GRIK2: variants seen among roughly 807,000 people sequenced by gnomAD.
GRIK2 encodes the protein glutamate receptor ionotropic, kainate 2.
A neutral mutation model predicts 100.3 loss-of-function variants in GRIK2; 32 were observed. The ratio of observed to expected loss-of-function variants is 0.32; its 90% CI spans 0.24 to 0.43. GRIK2 has a LOEUF of 0.43. Ranked by LOEUF, GRIK2 falls within the 20% of genes least tolerant of loss-of-function variation. The pLI is 1.00. For missense variants in GRIK2, 843 were observed against 1,114.9 expected (o/e 0.76, Z 3.47); for synonymous variants, 417 against 389.4 (o/e 1.07, Z -0.83).
At chr6:101,399,706 C>T (rs560903672) in intron 2 of GRIK2, among the ~76,000 whole-genome samples, 1 of 152,312 alleles carries the variant, frequency 6.6e-6, no homozygotes, top group African/African-American at 2.4e-5. Context: ...CTGTCTCCCC[C>T]GGCGCCCTGC....
At chr6:102,065,321 A>T (rs574006726) in intron 16 of GRIK2, among the ~76,000 whole-genome samples, 1 of 151,362 alleles carries the variant, frequency 6.6e-6, no homozygotes, top group Non-Finnish European at 1.5e-5. Context: ...TTCAATTTAC[A>T]TTATCTATTA....
At chr6:101,399,530 A>G in intron 2 of GRIK2, 138 bp downstream of exon 2, 1 of 630,894 alleles carries the variant, frequency 1.6e-6, no homozygotes, top group South Asian at 1.9e-5. Context: ...GGGGCTTTTA[A>G]AGAACTCCTT....
At chr6:101,424,723 C>G (rs533564018) in intron 2 of GRIK2, among the ~76,000 whole-genome samples, 68 of 151,850 alleles carry the variant, frequency 4.5e-4, no homozygotes, top group East Asian at 2.9e-3. Flanking sequence ...CCCTCTCCCC[C>G]CACCCACAAC....
At chr6:101,883,745 G>C (rs1786426054) in intron 11 of GRIK2, among the ~76,000 whole-genome samples, 2 of 152,106 alleles carry the variant, frequency 1.3e-5, no homozygotes, top group Non-Finnish European at 2.9e-5. Flanking sequence ...CAGGGAGAGG[G>C]AATAGCAAGC....
chr6:101,396,174 C>G (rs987267756), intron 1 of GRIK2, among the ~76,000 whole-genome samples: 3 of 151,696 alleles, frequency 2.0e-5, no homozygotes, highest in African/African-American at 7.3e-5. Context: ...TTCAAAATTG[C>G]CACATGTTAA....
intron 10 of GRIK2, among the ~76,000 whole-genome samples, chr6:101,833,728 C>T (rs1029808707): frequency 1.3e-5 from 2 of 151,882 alleles, no homozygotes; most frequent in Non-Finnish European, 2.9e-5. Context: ...TACTTATATT[C>T]CAGCAATAAG....
chr6:101,527,258 C>CT (rs1775201177), intron 2 of GRIK2, among the ~76,000 whole-genome samples: 1 of 152,118 alleles, frequency 6.6e-6, no homozygotes, highest in Non-Finnish European at 1.5e-5. Flanking sequence ...TGTTATTATT[C>CT]TTTTTTCCTA....
chr6:101,906,366 C>CTGTGTGTGTGTGTGTGTG (rs141112872), intron 12 of GRIK2, among the ~76,000 whole-genome samples: 44,910 of 145,590 alleles, frequency 0.31, 7,932 homozygotes, highest in East Asian at 0.52. Flanking sequence ...AAAACAAGAT[C>CTGTGTGTGTGTGTGTGTG]TGTGTGTGTG....
At chr6:101,707,865 T>A (rs1307387840) in intron 7 of GRIK2, among the ~76,000 whole-genome samples, 2 of 151,616 alleles carry the variant, frequency 1.3e-5, no homozygotes, top group Non-Finnish European at 2.9e-5. Context: ...CATTGATCAG[T>A]AATATAGATG....
intron 2 of GRIK2, among the ~76,000 whole-genome samples, chr6:101,541,455 A>C (rs1775994441): frequency 2.0e-5 from 3 of 151,392 alleles, no homozygotes; most frequent in South Asian, 2.1e-4. Context: ...ACCCAACCAA[A>C]CAAACAAACT....
intron 2 of GRIK2, among the ~76,000 whole-genome samples, chr6:101,526,429 TAAAC>T (rs953935748): frequency 6.6e-6 from 1 of 152,126 alleles, no homozygotes; most frequent in Non-Finnish European, 1.5e-5. Context: ...CTAGAAAAAA[TAAAC>T]ATAAATTAGT....
intron 12 of GRIK2, among the ~76,000 whole-genome samples, chr6:101,893,448 G>A (rs982125272): frequency 4.6e-5 from 7 of 151,532 alleles, no homozygotes; most frequent in South Asian, 2.1e-4. Flanking sequence ...GAATAAAAAC[G>A]CTGTATCTCA....
At position 101,707,232 on chromosome 6, in the gene GRIK2, T is replaced by A. The variant is rs1025893137; in HGVS notation, c.951+20879T>A. ...ATTCTAATTTGACTCATAATGCTGT[T>A]AAGAAACAAATTCATAAATGTAAGA... On this transcript the variant is annotated intron_variant, in intron 7 of 16. Coordinates refer to ENST00000369134, the MANE Select transcript of GRIK2 (RefSeq NM_021956.5). Among the ~76,000 whole-genome samples the A allele has an allele frequency of 2.6e-5, 4 of 151,534 alleles. No individual in the cohort carries two copies. In the Admixed American group the frequency reaches 2.6e-4, roughly 10 times the overall value.
intron 14 of GRIK2, among the ~76,000 whole-genome samples, chr6:101,966,378 T>G (rs1792675193): frequency 6.6e-6 from 1 of 152,170 alleles, no homozygotes; most frequent in South Asian, 2.1e-4. Context: ...AAGGAGAAAT[T>G]TAAAAAATAT....
chr6:101,420,870 A>G (rs1353950191), intron 2 of GRIK2, among the ~76,000 whole-genome samples: 1 of 152,178 alleles, frequency 6.6e-6, no homozygotes, highest in Non-Finnish European at 1.5e-5. Flanking sequence ...AAATGTTTAG[A>G]GGCACAATTA....
chr6:102,000,730 G>T (rs1018267410), intron 14 of GRIK2, among the ~76,000 whole-genome samples: 3 of 151,986 alleles, frequency 2.0e-5, no homozygotes, highest in Non-Finnish European at 4.4e-5. Flanking sequence ...ATCTACAATG[G>T]TGTCACTTCT....
At chr6:101,881,808 G>A (rs910564652) in intron 11 of GRIK2, among the ~76,000 whole-genome samples, 1 of 151,930 alleles carries the variant, frequency 6.6e-6, no homozygotes, top group South Asian at 2.1e-4. Flanking sequence ...AGCTATGATT[G>A]AGCCACTGCA....
chr6:101,500,986 T>G (rs1215118897), intron 2 of GRIK2, among the ~76,000 whole-genome samples: 3 of 152,134 alleles, frequency 2.0e-5, no homozygotes, highest in Non-Finnish European at 4.4e-5. Flanking sequence ...CTGATAACTT[T>G]CTTCAAATTG....
chr6:101,415,046 T>A (rs574670241), intron 2 of GRIK2, among the ~76,000 whole-genome samples: 4 of 152,018 alleles, frequency 2.6e-5, no homozygotes, highest in Non-Finnish European at 5.9e-5. Flanking sequence ...GCATTGTAGC[T>A]TATTTGGAAA....
Sources: allele counts gnomAD v4.1 joint callset (sites outside exome capture counted in the v4.1 genomes callset), GRCh38; gene constraint gnomAD v4.1.1; transcripts MANE v1.5; gene names NCBI Gene and HGNC (gene_info 2026-07-23, HGNC 2026-07-21).